The following PGCKA1 variants were observed in gnomAD, a reference collection of about 807,000 sequenced individuals.
PGCKA1 encodes the protein PDCD10 and GCKIII kinases associated 1.
At chr4:37,472,859 G>A in the PGCKA1 span, among the ~76,000 whole-genome samples, 4,923 of 152,174 alleles carry the variant, frequency 0.032, 291 homozygotes, top group African/African-American at 0.11. Flanking sequence ...GCAGAATCCA[G>A]TTGTATGTTC....
the PGCKA1 span, among the ~76,000 whole-genome samples, chr4:37,518,188 G>T: frequency 6.6e-6 from 1 of 152,128 alleles, no homozygotes; most frequent in African/African-American, 2.4e-5. Flanking sequence ...TGGCCACTTA[G>T]GTTGCTTCTA....
At chr4:37,453,728 T>C in the PGCKA1 span, among the ~76,000 whole-genome samples, 5 of 152,108 alleles carry the variant, frequency 3.3e-5, no homozygotes, top group African/African-American at 9.7e-5. Flanking sequence ...GCGTGGATTT[T>C]CTGCTTCAGT....
the PGCKA1 span, among the ~76,000 whole-genome samples, chr4:37,470,629 A>G: frequency 1.2e-3 from 181 of 152,312 alleles, no homozygotes; most frequent in Non-Finnish European, 1.5e-3. Context: ...TTAAGAGAAG[A>G]TGGCTCAGAA....
chr4:37,527,478 A>G, the PGCKA1 span, among the ~76,000 whole-genome samples: 1 of 152,094 alleles, frequency 6.6e-6, no homozygotes, highest in Non-Finnish European at 1.5e-5. Flanking sequence ...CTTAACTTTT[A>G]TACCGCATTT....
the PGCKA1 span, among the ~76,000 whole-genome samples, chr4:37,552,204 A>G: frequency 1.3e-5 from 2 of 152,240 alleles, no homozygotes; most frequent in African/African-American, 2.4e-5. Context: ...ATGGAAGAAC[A>G]TTGTGAAACT....
At chr4:37,556,297 C>T in the PGCKA1 span, among the ~76,000 whole-genome samples, 1 of 151,176 alleles carries the variant, frequency 6.6e-6, no homozygotes, top group Admixed American at 6.6e-5. Flanking sequence ...GACAGAGTTT[C>T]GCTCTTGTTG....
the PGCKA1 span, among the ~76,000 whole-genome samples, chr4:37,537,748 C>G: frequency 1.3e-5 from 2 of 152,162 alleles, no homozygotes. Context: ...ATCCACCATA[C>G]TGAAGACTCC....
the PGCKA1 span, chr4:37,590,565 A>G: frequency 6.2e-7 from 1 of 1,614,198 alleles, no homozygotes; most frequent in East Asian, 2.2e-5. Flanking sequence ...CTGAGGCAGA[A>G]AGTTTTGCCT....
At chr4:37,510,250 G>A in the PGCKA1 span, among the ~76,000 whole-genome samples, 1 of 151,890 alleles carries the variant, frequency 6.6e-6, no homozygotes, top group Non-Finnish European at 1.5e-5. Flanking sequence ...ATGTCTTCCT[G>A]GATGGTCTTG....
chr4:37,455,082 T>A, the PGCKA1 span, among the ~76,000 whole-genome samples: 2 of 152,174 alleles, frequency 1.3e-5, no homozygotes, highest in Non-Finnish European at 2.9e-5. Flanking sequence ...CAAGCTCTTA[T>A]GAGGAATAAT....
the PGCKA1 span, among the ~76,000 whole-genome samples, chr4:37,494,427 A>C: frequency 6.6e-6 from 1 of 152,188 alleles, no homozygotes; most frequent in Non-Finnish European, 1.5e-5. Context: ...GATGCCCTCC[A>C]GCTCCATGAT....
the PGCKA1 span, among the ~76,000 whole-genome samples, chr4:37,564,889 A>G: frequency 4.6e-5 from 7 of 152,114 alleles, no homozygotes; most frequent in Middle Eastern, 3.2e-3. Flanking sequence ...GGCCCCACTC[A>G]GAGCCAGGTG....
chr4:37,566,203 A>G, the PGCKA1 span, among the ~76,000 whole-genome samples: 60 of 152,226 alleles, frequency 3.9e-4, 1 homozygote, highest in Admixed American at 2.2e-3. Flanking sequence ...CCTACTTCAT[A>G]ACCTTGCCGC....
At chr4:37,473,561 A>G in the PGCKA1 span, among the ~76,000 whole-genome samples, 7 of 152,254 alleles carry the variant, frequency 4.6e-5, no homozygotes, top group Admixed American at 4.6e-4. Context: ...AGTTGATCTC[A>G]ATTCAAGGAA....
the PGCKA1 span, among the ~76,000 whole-genome samples, chr4:37,493,265 A>G: frequency 6.6e-6 from 1 of 152,208 alleles, no homozygotes. Context: ...ACATATCTAC[A>G]CAGAGGTCCA....
chr4:37,569,109 G>T, the PGCKA1 span, among the ~76,000 whole-genome samples: 9 of 151,974 alleles, frequency 5.9e-5, no homozygotes, highest in African/African-American at 9.7e-5. Context: ...AAAAAAAGGG[G>T]GGGAGAGATT....
the PGCKA1 span, among the ~76,000 whole-genome samples, chr4:37,552,016 T>A: frequency 1.3e-5 from 2 of 152,130 alleles, no homozygotes; most frequent in Admixed American, 6.6e-5. Flanking sequence ...CTCATATTGT[T>A]TTATATTGTT....
chr4:37,484,146 G>T, the PGCKA1 span, among the ~76,000 whole-genome samples: 1 of 152,112 alleles, frequency 6.6e-6, no homozygotes, highest in African/African-American at 2.4e-5. Flanking sequence ...TGATGGTATT[G>T]GGAGTGTATT....
chr4:37,496,812 CCT>C, the PGCKA1 span, among the ~76,000 whole-genome samples: 14 of 152,172 alleles, frequency 9.2e-5, no homozygotes, highest in Non-Finnish European at 1.9e-4. Context: ...AGATCTTTCA[CCT>C]CCCTGATCAT....
Sources: gnomAD v4.1 joint callset for allele counts (sites outside exome capture counted in the v4.1 genomes callset) on GRCh38, gnomAD v4.1.1 for gene constraint, MANE v1.5 for transcripts, NCBI Gene and HGNC (gene_info 2026-07-23, HGNC 2026-07-21) for gene names.